The following SLC25A21 variants were observed in gnomAD, a reference collection of about 807,000 sequenced individuals.
SLC25A21 encodes solute carrier family 25 member 21.
SLC25A21 carries 47 observed loss-of-function variants against 43.8 expected under a neutral mutation model. The observed-to-expected ratio is 1.07, with a 90% CI of 0.85 to 1.37. The LOEUF is 1.37. Among genes scored for constraint, SLC25A21 ranks in the 40% most tolerant of loss-of-function variants. The pLI, the probability that SLC25A21 is intolerant of heterozygous loss-of-function variation, is 0.00. For synonymous variants in SLC25A21, 131 were observed against 121.3 expected (o/e 1.08, Z -0.52); for missense variants, 352 against 350.2 (o/e 1.00, Z -0.04).
At position 36,679,931 on chromosome 14, in the gene SLC25A21, C is replaced by T. The variant is rs1884214; in HGVS notation, c.*727G>A. The T allele has an allele frequency of 0.48, 413,919 of 866,448 alleles. 103,121 individuals carry two copies. The highest frequency in any genetic ancestry group is 0.61 in the Admixed American group (9,750 of 16,028). The allele number at this position is 866,448 out of a possible 1,614,324, so 53.7% of individuals were successfully genotyped here. A position where few individuals can be genotyped will look rare whatever the true frequency, so the allele number is the denominator to read the frequency against. ...CTTGTGTTAGAAGAGATTTGGAATA[C>T]CTTGATTTAAACATGCTTAAACAAC... On this transcript the variant is annotated 3_prime_UTR_variant, in exon 10 of 10. Transcript: ENST00000331299.
intron 1 of SLC25A21, among the ~76,000 whole-genome samples, chr14:37,054,520 T>C (rs1457110505): frequency 6.6e-6 from 1 of 152,160 alleles, no homozygotes; most frequent in Non-Finnish European, 1.5e-5. Context: ...ACCTAAAACA[T>C]GTGGCATTAG....
At chr14:36,971,742 C>G (rs868767351) in intron 1 of SLC25A21, among the ~76,000 whole-genome samples, 8 of 152,114 alleles carry the variant, frequency 5.3e-5, no homozygotes, top group Admixed American at 3.3e-4. Flanking sequence ...ACACACGAAC[C>G]TCGGGTATTT....
chr14:36,892,910 G>T (rs1241164824), intron 1 of SLC25A21, among the ~76,000 whole-genome samples: 2 of 152,062 alleles, frequency 1.3e-5, no homozygotes, highest in African/African-American at 2.4e-5. Context: ...AGTATTCCAT[G>T]GTGTATATGT....
chr14:36,760,674 C>A (rs1290088675), intron 3 of SLC25A21, among the ~76,000 whole-genome samples: 1 of 152,158 alleles, frequency 6.6e-6, no homozygotes, highest in Admixed American at 6.5e-5. Context: ...TGCTACTGCA[C>A]ACATATTGTA....
intron 1 of SLC25A21, among the ~76,000 whole-genome samples, chr14:37,049,916 C>A (rs28593311): frequency 0.029 from 4,356 of 152,198 alleles, 249 homozygotes; most frequent in East Asian, 0.26. Context: ...GTCCAGTGGT[C>A]AATAGCCACA....
intron 1 of SLC25A21, among the ~76,000 whole-genome samples, chr14:37,046,816 GAA>G (rs2138791784): frequency 6.6e-6 from 1 of 152,250 alleles, no homozygotes; most frequent in African/African-American, 2.4e-5. Flanking sequence ...GCAGAAACAA[GAA>G]AACAATTAAA....
At chr14:36,699,953 C>T (rs943831199) in intron 7 of SLC25A21, among the ~76,000 whole-genome samples, 1 of 152,182 alleles carries the variant, frequency 6.6e-6, no homozygotes, top group Admixed American at 6.5e-5. Context: ...GTGGGCTGCA[C>T]CCACTGTCCA....
At chr14:37,169,288 G>C (rs1964082105) in intron 1 of SLC25A21, among the ~76,000 whole-genome samples, 1 of 152,072 alleles carries the variant, frequency 6.6e-6, no homozygotes, top group African/African-American at 2.4e-5. Context: ...GTCTGTGGAA[G>C]TCTTGCAAGC....
At chr14:36,898,000 C>T (rs1222122987) in intron 1 of SLC25A21, among the ~76,000 whole-genome samples, 11 of 152,226 alleles carry the variant, frequency 7.2e-5, no homozygotes, top group Admixed American at 1.3e-4. Context: ...CTTGAGGAGG[C>T]AGTCTGTCCA....
intron 1 of SLC25A21, among the ~76,000 whole-genome samples, chr14:37,145,476 C>CAGAGAGAGAGAG (rs35649306): frequency 1.6e-4 from 23 of 143,676 alleles, no homozygotes; most frequent in Admixed American, 1.1e-3. Context: ...CACACACACA[C>CAGAGAGAGAGAG]AGAGAGATGA....
intron 3 of SLC25A21, among the ~76,000 whole-genome samples, chr14:36,789,866 AAT>A (rs1378372437): frequency 1.3e-5 from 1 of 75,034 alleles, no homozygotes; most frequent in Non-Finnish European, 2.5e-5. Context: ...TTTATATAAA[AAT>A]ATATTATATA....
At chr14:36,787,482 G>A (rs1887292821) in intron 3 of SLC25A21, among the ~76,000 whole-genome samples, 1 of 152,012 alleles carries the variant, frequency 6.6e-6, no homozygotes, top group African/African-American at 2.4e-5. Context: ...TTTAATTTCT[G>A]GGCACTTTTA....
At chr14:36,693,135 A>G (rs1882863185) in intron 7 of SLC25A21, among the ~76,000 whole-genome samples, 1 of 152,244 alleles carries the variant, frequency 6.6e-6, no homozygotes, top group South Asian at 2.1e-4. Flanking sequence ...GATTTATTGT[A>G]GTAATACATT....
intron 5 of SLC25A21, among the ~76,000 whole-genome samples, chr14:36,729,010 A>G (rs1201957148): frequency 6.6e-6 from 1 of 152,226 alleles, no homozygotes; most frequent in East Asian, 1.9e-4. Flanking sequence ...TCATTGTAAT[A>G]TCACAATTCT....
intron 6 of SLC25A21, among the ~76,000 whole-genome samples, chr14:36,718,383 C>A (rs1186902747): frequency 6.6e-6 from 1 of 152,144 alleles, no homozygotes; most frequent in Non-Finnish European, 1.5e-5. Context: ...CAGTGTTTTA[C>A]ACAGTAATGC....
intron 3 of SLC25A21, among the ~76,000 whole-genome samples, chr14:36,744,605 G>A (rs576665582): frequency 2.5e-5 from 1 of 40,014 alleles, no homozygotes; most frequent in Non-Finnish European, 4.7e-5. Context: ...AAATATAGGA[G>A]AAATTCTTCT....
chr14:37,123,498 A>T (rs183153987), intron 1 of SLC25A21, among the ~76,000 whole-genome samples: 1 of 152,302 alleles, frequency 6.6e-6, no homozygotes, highest in Admixed American at 6.5e-5. Flanking sequence ...ACATTTTCCC[A>T]TTTAATATAA....
intron 1 of SLC25A21, among the ~76,000 whole-genome samples, chr14:36,937,526 T>C (rs567713512): frequency 1.3e-5 from 2 of 152,220 alleles, no homozygotes; most frequent in Non-Finnish European, 2.9e-5. Flanking sequence ...ACTCACTTCA[T>C]CTGAGCCTTT....
intron 1 of SLC25A21, among the ~76,000 whole-genome samples, chr14:37,154,102 C>A (rs537821116): frequency 6.6e-6 from 1 of 152,246 alleles, no homozygotes; most frequent in East Asian, 1.9e-4. Context: ...GTACAGGTGG[C>A]AGCATACGTC....
Sources: gnomAD v4.1 joint callset for allele counts (sites outside exome capture counted in the v4.1 genomes callset) on GRCh38, gnomAD v4.1.1 for gene constraint, MANE v1.5 for transcripts, NCBI Gene and HGNC (gene_info 2026-07-23, HGNC 2026-07-21) for gene names.